Variants in LUZP2 observed in about 807,000 individuals in gnomAD.
LUZP2 encodes leucine zipper protein 2.
LUZP2 carries 52 observed loss-of-function variants against 51.6 expected under a neutral mutation model. The observed-to-expected ratio is 1.01, with a 90% CI of 0.81 to 1.27. The LOEUF (loss-of-function observed/expected upper bound fraction) is 1.27. LUZP2 is among the 50% of genes most tolerant of loss of function. LUZP2 has a pLI of 0.00. For missense variants in LUZP2, 436 were observed against 395.4 expected (o/e 1.10, Z -0.87); for synonymous variants, 154 against 137.3 (o/e 1.12, Z -0.85).
At chr11:25,027,909 A>C in intron 9 of LUZP2, among the ~76,000 whole-genome samples, 1 of 151,996 alleles carries the variant, frequency 6.6e-6, no homozygotes. Context: ...GATACCATCA[A>C]TGTTTTCCAT....
intron 9 of LUZP2, among the ~76,000 whole-genome samples, chr11:25,000,578 G>A (rs144070639): frequency 9.3e-4 from 141 of 152,290 alleles, no homozygotes; most frequent in African/African-American, 3.2e-3. Context: ...GCCCAAAGGT[G>A]AGTAACAGCA....
At chr11:24,996,572 T>TTTTATTTTATTTTA (rs1856506892) in intron 9 of LUZP2, among the ~76,000 whole-genome samples, 20 of 132,640 alleles carry the variant, frequency 1.5e-4, no homozygotes, top group African/African-American at 5.4e-4. Flanking sequence ...CTTTTTTCTT[T>TTTTATTTTATTTTA]TTTTATTTTA....
intron 1 of LUZP2, among the ~76,000 whole-genome samples, chr11:24,666,048 A>G (rs1232389833): frequency 1.3e-5 from 2 of 152,182 alleles, no homozygotes; most frequent in African/African-American, 2.4e-5. Flanking sequence ...CAAACATTTG[A>G]AACTCAAAAA....
intron 7 of LUZP2, among the ~76,000 whole-genome samples, chr11:24,930,996 G>A (rs1478361528): frequency 2.0e-5 from 3 of 151,840 alleles, no homozygotes; most frequent in Middle Eastern, 3.2e-3. Flanking sequence ...GGTGGATCAC[G>A]AGGTCAGAAG....
chr11:24,902,617 A>G (rs1314078285), intron 5 of LUZP2, among the ~76,000 whole-genome samples: 1 of 152,120 alleles, frequency 6.6e-6, no homozygotes, highest in African/African-American at 2.4e-5. Context: ...TGAAAAGCCT[A>G]CTCCAAGTAA....
At chr11:24,619,758 C>T (rs540509399) in intron 1 of LUZP2, among the ~76,000 whole-genome samples, 5 of 152,096 alleles carry the variant, frequency 3.3e-5, no homozygotes, top group African/African-American at 1.2e-4. Context: ...TTACATAATA[C>T]CTAATACAGT....
rs542176969 is a variant in LUZP2 at position 25,062,814 on chromosome 11, G to A, written c.858+12684G>A. On this transcript the variant is annotated intron_variant, in intron 10 of 11. Coordinates refer to ENST00000336930, the MANE Select transcript of LUZP2 (RefSeq NM_001009909.4). ...TTCATATTATATGCTACCAGATTAA[G>A]CATTTTTATATAAATAAACATTGTA... is the stretch of plus-strand genomic sequence containing the variant. 5.3e-5 allele frequency among the ~76,000 whole-genome samples: 8 copies of A among 151,176 alleles called. No individual in the cohort carries two copies. In the South Asian group the frequency reaches 1.7e-3, roughly 31 times the overall value.
At chr11:24,519,993 A>C (rs1485557751) in intron 1 of LUZP2, among the ~76,000 whole-genome samples, 1 of 152,232 alleles carries the variant, frequency 6.6e-6, no homozygotes, top group Non-Finnish European at 1.5e-5. Flanking sequence ...TATTTTCATA[A>C]TCTGATTTCT....
chr11:24,800,358 T>G (rs1396688114), intron 5 of LUZP2, among the ~76,000 whole-genome samples: 1 of 152,062 alleles, frequency 6.6e-6, no homozygotes, highest in Non-Finnish European at 1.5e-5. Context: ...GTCTGTGATG[T>G]AGCTTAGCAT....
intron 5 of LUZP2, among the ~76,000 whole-genome samples, chr11:24,839,861 C>T (rs1038285833): frequency 6.6e-6 from 1 of 151,682 alleles, no homozygotes; most frequent in African/African-American, 2.4e-5. Flanking sequence ...GCTTAACTCT[C>T]ACTCTTGATA....
intron 5 of LUZP2, among the ~76,000 whole-genome samples, chr11:24,879,127 G>T (rs1332783664): frequency 2.0e-5 from 3 of 152,052 alleles, no homozygotes; most frequent in South Asian, 4.2e-4. Flanking sequence ...TGTATTTTTA[G>T]TACAGACAGG....
intron 1 of LUZP2, among the ~76,000 whole-genome samples, chr11:24,589,701 G>A (rs975880447): frequency 1.3e-5 from 2 of 152,108 alleles, no homozygotes; most frequent in African/African-American, 4.8e-5. Context: ...TTATAGGTTA[G>A]CATTAAAGAA....
intron 5 of LUZP2, among the ~76,000 whole-genome samples, chr11:24,802,125 G>A (rs1849715443): frequency 6.6e-6 from 1 of 151,870 alleles, no homozygotes; most frequent in African/African-American, 2.4e-5. Flanking sequence ...TAACAGAATA[G>A]TTTCATTTTG....
intron 9 of LUZP2, among the ~76,000 whole-genome samples, chr11:25,039,713 C>T (rs1473445878): frequency 3.3e-5 from 5 of 152,330 alleles, no homozygotes; most frequent in African/African-American, 9.6e-5. Context: ...AGTAGTCCCC[C>T]AGTCCCTTCA....
rs115932383 is a variant in LUZP2, at chr11:24,571,768, G to A, written c.62+74463G>A. Among the ~76,000 whole-genome samples, 637 of 152,000 alleles carry A rather than the reference G, an allele frequency of 4.2e-3. 5 individuals carry two copies. The highest frequency in any genetic ancestry group is 0.014 in the African/African-American group (598 of 41,512). ...TCTTTTTAATTTCTTGAGAAGTAAC[G>A]ACTGCTAAATCTATTTGTATCTGCT... On this transcript the variant is annotated intron_variant, in intron 1 of 11. Transcript: ENST00000336930.
chr11:25,045,595 A>G (rs112371073), intron 9 of LUZP2, among the ~76,000 whole-genome samples: 15 of 152,288 alleles, frequency 9.8e-5, no homozygotes, highest in East Asian at 3.9e-4. Context: ...TAAATGCACA[A>G]TATTTGCATG....
At chr11:24,602,130 ATGTG>A (rs1853700332) in intron 1 of LUZP2, among the ~76,000 whole-genome samples, 2 of 121,088 alleles carry the variant, frequency 1.7e-5, no homozygotes, top group African/African-American at 7.2e-5. Context: ...ATATATGTAT[ATGTG>A]TATATATGTA....
intron 1 of LUZP2, among the ~76,000 whole-genome samples, chr11:24,553,115 C>T (rs2133752085): frequency 6.6e-6 from 1 of 151,388 alleles, no homozygotes; most frequent in Non-Finnish European, 1.5e-5. Flanking sequence ...TGGGAAATAA[C>T]AGAGAATTTA....
In LUZP2 at chr11:24,838,399, G is replaced by A. The variant is rs375329586; in HGVS notation, c.397-67592G>A. Reference sequence around the variant, plus strand: ...TAAAGATACATTTAGACTCAAATAAGTCACTTGTCCATGATTATAGATTAG... The same window carrying A: ...TAAAGATACATTTAGACTCAAATAAATCACTTGTCCATGATTATAGATTAG... On this transcript the variant is annotated intron_variant, in intron 5 of 11. Transcript: ENST00000336930. Among the ~76,000 whole-genome samples the A allele has an allele frequency of 3.3e-5, 5 of 151,568 alleles. No homozygotes were observed. The South Asian group carries it at 1.0e-3, about 31-fold the overall frequency.
Sources: allele counts gnomAD v4.1 joint callset (sites outside exome capture counted in the v4.1 genomes callset), GRCh38; gene constraint gnomAD v4.1.1; transcripts MANE v1.5; gene names NCBI Gene and HGNC (gene_info 2026-07-23, HGNC 2026-07-21).